Variants in VPS35L observed in about 807,000 individuals in gnomAD.
The protein encoded by VPS35L is VPS35 endosomal protein sorting factor like, also known as VPS35 endosomal protein-sorting factor-like.
In VPS35L, 83 loss-of-function variants were observed where a neutral mutation model predicts 133.0. The ratio of observed to expected loss-of-function variants is 0.62; its 90% CI spans 0.52 to 0.75. VPS35L has a LOEUF of 0.75. Among genes scored for constraint, VPS35L ranks in the 30% least tolerant of loss-of-function variants. VPS35L has a pLI of 0.00. For synonymous variants in VPS35L, 423 were observed against 449.9 expected, an observed-to-expected ratio of 0.94 and a Z score of 0.76; for missense variants, 1,083 against 1,206.8, an observed-to-expected ratio of 0.90 and a Z score of 1.52.
At chr16:19,651,831 T>C (rs1974135474) in intron 25 of VPS35L, 145 bp from the exon 26 acceptor site, 10 of 663,652 alleles carry the variant, frequency 1.5e-5, no homozygotes, top group South Asian at 8.8e-5. Context: ...CAGAGCAGAG[T>C]TGTACAAGAG....
rs570462757 is a variant in VPS35L, at chr16:19,591,761, G to A, written c.640-29G>A. 1.8e-5 allele frequency: 28 copies of A among 1,547,688 alleles called. No individual in the cohort carries two copies. The East Asian group carries it at 5.4e-4, about 30-fold the overall frequency. ...CTACCCATACCAGACATGCCAGAGT[G>A]AATTTTCTCTTTTTTTCTCTTTTTT... is the stretch of plus-strand genomic sequence containing the variant. On this transcript the variant is annotated intron_variant, in intron 7 of 30. Coordinates refer to ENST00000417362, the MANE Select transcript of VPS35L (RefSeq NM_020314.7).
At chr16:19,642,513 G>A (rs1292630247) in intron 22 of VPS35L, 37 bp downstream of exon 22, 1 of 1,558,270 alleles carries the variant, frequency 6.4e-7, no homozygotes, top group Non-Finnish European at 8.8e-7. Context: ...AACATGGATT[G>A]GGTCTTAATG....
intron 28 of VPS35L, 62 bp from the exon 29 acceptor site, chr16:19,691,291 T>C (rs1254044704): frequency 1.5e-6 from 2 of 1,359,458 alleles, no homozygotes; most frequent in African/African-American, 1.4e-5. Context: ...CACGGCTGCC[T>C]CTCCCTGGCC....
intron 20 of VPS35L, among the ~76,000 whole-genome samples, chr16:19,638,851 A>G (rs1472545101): frequency 6.6e-6 from 1 of 152,112 alleles, no homozygotes; most frequent in Non-Finnish European, 1.5e-5. Context: ...ACACCTGTAA[A>G]CCCAGCACTT....
chr16:19,603,213 A>G (rs998625342), intron 9 of VPS35L, among the ~76,000 whole-genome samples: 2 of 152,188 alleles, frequency 1.3e-5, no homozygotes, highest in African/African-American at 4.8e-5. Context: ...GGGCAGACCC[A>G]GTACGGAAGA....
At chr16:19,608,081 C>A in intron 9 of VPS35L, 97 bp from the exon 10 acceptor site, 1 of 834,444 alleles carries the variant, frequency 1.2e-6, no homozygotes, top group South Asian at 1.5e-5. Context: ...GGCTGAGTCA[C>A]CCCCTTTTCT....
At chr16:19,664,147 A>G (rs540317131) in intron 26 of VPS35L, among the ~76,000 whole-genome samples, 1 of 152,180 alleles carries the variant, frequency 6.6e-6, no homozygotes, top group African/African-American at 2.4e-5. Flanking sequence ...ATACAAAATA[A>G]TGAGGTAGTC....
chr16:19,607,104 C>G (rs1405203326), intron 9 of VPS35L, among the ~76,000 whole-genome samples: 2 of 152,202 alleles, frequency 1.3e-5, no homozygotes, highest in Admixed American at 1.3e-4. Flanking sequence ...TCTCCATATT[C>G]TCTTCCATTC....
chr16:19,677,175 C>G (rs1402726713), intron 27 of VPS35L, among the ~76,000 whole-genome samples: 1 of 151,538 alleles, frequency 6.6e-6, no homozygotes, highest in African/African-American at 2.4e-5. Context: ...AAGCGATTCT[C>G]TTGCCTCCGC....
chr16:19,570,885 A>T (rs1470620496), intron 3 of VPS35L, among the ~76,000 whole-genome samples: 1,118 of 76,930 alleles, frequency 0.015, 67 homozygotes, highest in African/African-American at 0.066. Flanking sequence ...ATATATATAT[A>T]TATATTTTTG....
intron 2 of VPS35L, among the ~76,000 whole-genome samples, chr16:19,568,025 T>G (rs1971242299): frequency 6.6e-6 from 1 of 151,948 alleles, no homozygotes; most frequent in South Asian, 2.1e-4. Flanking sequence ...CGCTACACAT[T>G]GGGAGTTCCC....
chr16:19,644,434 C>T (rs953701720), intron 22 of VPS35L, among the ~76,000 whole-genome samples: 1 of 152,110 alleles, frequency 6.6e-6, no homozygotes, highest in South Asian at 2.1e-4. Context: ...AACGGGGTCT[C>T]GTCATGTTGC....
intron 6 of VPS35L, among the ~76,000 whole-genome samples, chr16:19,580,375 A>G (rs1488278752): frequency 6.6e-6 from 1 of 151,854 alleles, no homozygotes; most frequent in Non-Finnish European, 1.5e-5. Context: ...GCCTCCCAAT[A>G]TGCTGGGATT....
intron 1 of VPS35L, 143 bp downstream of exon 1, chr16:19,555,889 C>G (rs2285663): frequency 2.4e-6 from 3 of 1,231,604 alleles, no homozygotes; most frequent in Non-Finnish European, 3.3e-6. Flanking sequence ...ACCGTAGAAT[C>G]CCTGGCCGCT....
chr16:19,668,692 T>A (rs1178903064), intron 26 of VPS35L, among the ~76,000 whole-genome samples: 1 of 152,052 alleles, frequency 6.6e-6, no homozygotes, highest in African/African-American at 2.4e-5. Flanking sequence ...CAAACTGACC[T>A]GGGTTTGAGC....
Position 19,570,870 on chromosome 16 carries a change from TATATATATATA to T in VPS35L, c.285+1280_285+1290del, listed in dbSNP as rs1230976247. ...ATATATATATATATATATATATATA[TATATATATATA>T]TATATATATTTTTGAGATGAAGTCT... On this transcript the variant is annotated intron_variant, in intron 3 of 30. Coordinates refer to ENST00000417362, the MANE Select transcript of VPS35L (RefSeq NM_020314.7). 8.0e-4 allele frequency among the ~76,000 whole-genome samples: 68 copies of T among 85,370 alleles called. 3 individuals are homozygous for T. Among genetic ancestry groups the T allele is most frequent in the African/African-American group, 4.1e-3 (68 of 16,734 alleles). The allele number at this position is 85,370 out of a possible 152,430, so 56.0% of individuals were successfully genotyped here.
At chr16:19,619,025 G>A (rs1972990662) in intron 14 of VPS35L, among the ~76,000 whole-genome samples, 1 of 151,400 alleles carries the variant, frequency 6.6e-6, no homozygotes, top group African/African-American at 2.4e-5. Flanking sequence ...CCACCTCCCA[G>A]GTTCAAGCGA....
chr16:19,659,212 C>A (rs1054808810), intron 26 of VPS35L, among the ~76,000 whole-genome samples: 1 of 152,190 alleles, frequency 6.6e-6, no homozygotes, highest in African/African-American at 2.4e-5. Flanking sequence ...AGACAATACG[C>A]AACCTCAAAT....
chr16:19,578,091 G>GT (rs531362874), intron 5 of VPS35L, among the ~76,000 whole-genome samples: 221 of 152,274 alleles, frequency 1.5e-3, no homozygotes, highest in African/African-American at 5.1e-3. Flanking sequence ...TCCACTGCCT[G>GT]TTTTTTAAGT....
Sources: gnomAD v4.1 joint callset for allele counts (sites outside exome capture counted in the v4.1 genomes callset) on GRCh38, gnomAD v4.1.1 for gene constraint, MANE v1.5 for transcripts, NCBI Gene and HGNC (gene_info 2026-07-23, HGNC 2026-07-21) for gene names.